SND1: variants seen among roughly 807,000 people sequenced by gnomAD.
SND1 encodes staphylococcal nuclease domain-containing protein 1.
A neutral mutation model predicts 121.7 loss-of-function variants in SND1; 38 were observed. The observed-to-expected ratio is 0.31, with a 90% CI of 0.24 to 0.41. The LOEUF (loss-of-function observed/expected upper bound fraction) is 0.41, where lower values mean the gene tolerates loss of function less well. Among genes scored for constraint, SND1 ranks in the 10% least tolerant of loss-of-function variants. SND1 has a pLI of 1.00. For missense variants in SND1, 868 were observed against 1,184.6 expected (o/e 0.73, Z 3.92); for synonymous variants, 401 against 447.4 (o/e 0.90, Z 1.31).
chr7:127,664,769 G>C (rs969385344), intron 1 of SND1, among the ~76,000 whole-genome samples: 1 of 152,174 alleles, frequency 6.6e-6, no homozygotes, highest in African/African-American at 2.4e-5. Context: ...TGTGGGATCT[G>C]ACACTAATTC....
intron 12 of SND1, among the ~76,000 whole-genome samples, chr7:127,882,437 A>C (rs969720103): frequency 4.1e-5 from 1 of 24,478 alleles, no homozygotes; most frequent in African/African-American, 1.7e-4. Flanking sequence ...AGGGGAGGGG[A>C]GGGGAGGGGA....
At chr7:127,840,017 T>C (rs1427854739) in intron 11 of SND1, among the ~76,000 whole-genome samples, 3 of 152,190 alleles carry the variant, frequency 2.0e-5, no homozygotes, top group Non-Finnish European at 4.4e-5. Flanking sequence ...CATAATGTTA[T>C]GTCTGAAAAG....
intron 10 of SND1, among the ~76,000 whole-genome samples, chr7:127,753,977 A>G (rs1461585766): frequency 1.3e-5 from 2 of 152,206 alleles, no homozygotes; most frequent in African/African-American, 4.8e-5. Context: ...AGTCCCCTTG[A>G]ACGCTCAGAG....
chr7:128,000,236 G>C (rs1049368714), intron 16 of SND1, among the ~76,000 whole-genome samples: 1 of 152,112 alleles, frequency 6.6e-6, no homozygotes, highest in African/African-American at 2.4e-5. Flanking sequence ...CAGACAAGCA[G>C]ATAATTTCTT....
chr7:127,703,435 C>G (rs1796138057), intron 7 of SND1, 112 bp downstream of exon 7: 2 of 1,290,458 alleles, frequency 1.5e-6, no homozygotes, highest in Middle Eastern at 2.7e-4. Context: ...AGATATTGGC[C>G]AGTTGTGGTG....
At chr7:127,936,611 C>T (rs925303647) in intron 15 of SND1, among the ~76,000 whole-genome samples, 1 of 152,030 alleles carries the variant, frequency 6.6e-6, no homozygotes, top group Non-Finnish European at 1.5e-5. Context: ...GCAGTGGCCC[C>T]ATCATAGCTC....
At chr7:127,926,736 T>TTGG (rs1800848925) in intron 14 of SND1, among the ~76,000 whole-genome samples, 1 of 147,644 alleles carries the variant, frequency 6.8e-6, no homozygotes, top group Non-Finnish European at 1.5e-5. Flanking sequence ...GTTGTTGTTG[T>TTGG]TGTTGTTGTT....
intron 1 of SND1, chr7:127,679,249 T>A (rs1267920534): frequency 1.3e-5 from 2 of 152,226 alleles, no homozygotes; most frequent in Non-Finnish European, 2.9e-5. Flanking sequence ...AGGTTTATAC[T>A]TATAGCCGCT....
intron 10 of SND1, among the ~76,000 whole-genome samples, chr7:127,781,778 G>A (rs976303396): frequency 2.0e-5 from 3 of 152,150 alleles, no homozygotes; most frequent in East Asian, 1.9e-4. Flanking sequence ...ATAATGAAAT[G>A]TCAATTCAGT....
chr7:127,720,180 C>CA (rs1350596946), intron 9 of SND1, among the ~76,000 whole-genome samples: 1 of 151,992 alleles, frequency 6.6e-6, no homozygotes, highest in Non-Finnish European at 1.5e-5. Flanking sequence ...TCCATGATGG[C>CA]AAAAAAGAGT....
intron 12 of SND1, among the ~76,000 whole-genome samples, chr7:127,852,542 G>T (rs1799185429): frequency 6.6e-6 from 1 of 151,684 alleles, no homozygotes; most frequent in Non-Finnish European, 1.5e-5. Context: ...GGGTGCAGTG[G>T]CTCACGCCTG....
At chr7:127,817,326 TA>T (rs1184289832) in intron 11 of SND1, among the ~76,000 whole-genome samples, 1 of 152,220 alleles carries the variant, frequency 6.6e-6, no homozygotes, top group African/African-American at 2.4e-5. Context: ...CTTATGTATT[TA>T]ATGGTCTCAG....
At chr7:127,676,183 A>G (rs1795613470) in intron 1 of SND1, among the ~76,000 whole-genome samples, 3 of 152,158 alleles carry the variant, frequency 2.0e-5, no homozygotes, top group Admixed American at 2.0e-4. Flanking sequence ...TGACTGTGCC[A>G]TAGTTTTCTC....
chr7:127,986,246 G>A (rs1292536196), intron 15 of SND1, among the ~76,000 whole-genome samples: 2 of 152,186 alleles, frequency 1.3e-5, no homozygotes, highest in African/African-American at 2.4e-5. Flanking sequence ...TGACTGACCA[G>A]AGTATTTGTG....
At chr7:127,652,578 C>G (rs1176863483) in intron 1 of SND1, 127 bp downstream of exon 1, 14 of 786,188 alleles carry the variant, frequency 1.8e-5, no homozygotes, top group Non-Finnish European at 2.8e-5. Flanking sequence ...CCTCACTTTT[C>G]GTCGATTCTC....
intron 10 of SND1, among the ~76,000 whole-genome samples, chr7:127,733,396 C>G (rs561117405): frequency 2.6e-4 from 39 of 152,254 alleles, no homozygotes; most frequent in African/African-American, 9.4e-4. Flanking sequence ...TTTCAGTGAT[C>G]ATGGTGTCCC....
chr7:127,722,583 G>A (rs931940856), intron 10 of SND1, among the ~76,000 whole-genome samples: 2 of 152,066 alleles, frequency 1.3e-5, no homozygotes, highest in Non-Finnish European at 2.9e-5. Flanking sequence ...GATAAGTTGG[G>A]TGCAGTGGTT....
intron 1 of SND1, among the ~76,000 whole-genome samples, chr7:127,662,292 A>G (rs1209837767): frequency 6.6e-6 from 1 of 152,084 alleles, no homozygotes; most frequent in Non-Finnish European, 1.5e-5. Context: ...TGTGTCTGGC[A>G]ATTTTCTTTT....
At chr7:127,678,571 G>A (rs1190086806) in intron 1 of SND1, among the ~76,000 whole-genome samples, 2 of 151,950 alleles carry the variant, frequency 1.3e-5, no homozygotes, top group African/African-American at 4.8e-5. Flanking sequence ...AAACCAAAAA[G>A]CAATACAAAA....
Sources: gnomAD v4.1 joint callset for allele counts (sites outside exome capture counted in the v4.1 genomes callset) on GRCh38, gnomAD v4.1.1 for gene constraint, MANE v1.5 for transcripts, NCBI Gene and HGNC (gene_info 2026-07-23, HGNC 2026-07-21) for gene names.